Variants in MGMT observed in about 807,000 individuals in gnomAD.
MGMT encodes O-6-methylguanine-DNA methyltransferase.
Under a neutral mutation model 15.9 loss-of-function variants are expected in MGMT, and 14 were observed. The observed-to-expected ratio is 0.88, with a 90% CI of 0.58 to 1.37. The LOEUF (loss-of-function observed/expected upper bound fraction) is 1.37. MGMT is among the 40% of genes most tolerant of loss of function. The pLI is 0.00. For missense variants in MGMT, 282 were observed against 268.1 expected (o/e 1.05, Z -0.36); for synonymous variants, 130 against 118.2 (o/e 1.10, Z -0.65).
intron 2 of MGMT, among the ~76,000 whole-genome samples, chr10:129,562,860 C>T (rs1846296263): frequency 1.3e-5 from 2 of 152,176 alleles, no homozygotes; most frequent in South Asian, 2.1e-4. Context: ...TCAGTTATTT[C>T]GTCTTCAGCG....
intron 2 of MGMT, among the ~76,000 whole-genome samples, chr10:129,627,192 C>T (rs1304135387): frequency 6.6e-6 from 1 of 152,118 alleles, no homozygotes; most frequent in Non-Finnish European, 1.5e-5. Context: ...GATGGGTGTG[C>T]TGGGGGATGA....
intron 3 of MGMT, among the ~76,000 whole-genome samples, chr10:129,713,987 G>T (rs528356090): frequency 1.3e-5 from 2 of 152,212 alleles, no homozygotes; most frequent in Non-Finnish European, 2.9e-5. Flanking sequence ...TTGAATACCT[G>T]CATCACCTCC....
chr10:129,759,177 C>T lies in MGMT; in HGVS notation c.275-25C>T, dbSNP rs919780991. 3.1e-6 allele frequency: 5 copies of T among 1,613,834 alleles called. No homozygotes were observed. The African/African-American group carries it at 6.7e-5, about 22-fold the overall frequency. On this transcript the variant is annotated intron_variant, in intron 3 of 4. Coordinates refer to ENST00000651593, the MANE Select transcript of MGMT (RefSeq NM_002412.5). ...CTGCTGAAGCCGTTTGTCCAAATAA[C>T]ATTATCCTGCATTCTTCCTTTCAGA...
At chr10:129,680,299 AT>A (rs1182908935) in intron 2 of MGMT, among the ~76,000 whole-genome samples, 2 of 152,146 alleles carry the variant, frequency 1.3e-5, no homozygotes, top group Non-Finnish European at 1.5e-5. Context: ...CTGAGTTCAG[AT>A]TTTATTTCGC....
At chr10:129,686,155 CAG>C (rs1847902172) in intron 2 of MGMT, among the ~76,000 whole-genome samples, 1 of 151,746 alleles carries the variant, frequency 6.6e-6, no homozygotes, top group African/African-American at 2.4e-5. Context: ...GCAGCAGAAA[CAG>C]AAACTGGAGG....
intron 3 of MGMT, among the ~76,000 whole-genome samples, chr10:129,731,146 G>T (rs903680644): frequency 6.6e-6 from 1 of 152,066 alleles, no homozygotes; most frequent in African/African-American, 2.4e-5. Flanking sequence ...GTGTTCTGGC[G>T]TGCCCAGGAC....
At chr10:129,515,541 A>G (rs573486644) in intron 1 of MGMT, among the ~76,000 whole-genome samples, 5 of 152,268 alleles carry the variant, frequency 3.3e-5, no homozygotes, top group Admixed American at 1.3e-4. Context: ...CTTTAGTGGA[A>G]GCTCCAGTCC....
chr10:129,581,575 A>G (rs887329922), intron 2 of MGMT, among the ~76,000 whole-genome samples: 5 of 152,218 alleles, frequency 3.3e-5, no homozygotes, highest in African/African-American at 1.2e-4. Context: ...GTCAGTCACT[A>G]TCTTCTGCAA....
intron 1 of MGMT, among the ~76,000 whole-genome samples, chr10:129,523,239 A>G (rs899462684): frequency 6.6e-6 from 1 of 152,244 alleles, no homozygotes; most frequent in African/African-American, 2.4e-5. Context: ...GACCCGGGCC[A>G]GAGCCCTGTG....
At chr10:129,525,806 C>A (rs57453045) in intron 1 of MGMT, among the ~76,000 whole-genome samples, 1 of 151,922 alleles carries the variant, frequency 6.6e-6, no homozygotes. Context: ...TCTCCCCCTT[C>A]GTGTTTGCAT....
At chr10:129,757,634 C>CT (rs980585883) in intron 3 of MGMT, among the ~76,000 whole-genome samples, 6 of 152,104 alleles carry the variant, frequency 3.9e-5, no homozygotes, top group East Asian at 3.9e-4. Flanking sequence ...CTTTGCTTTG[C>CT]TTTTTTTTAA....
At chr10:129,749,421 C>A (rs1021138500) in intron 3 of MGMT, among the ~76,000 whole-genome samples, 7 of 152,154 alleles carry the variant, frequency 4.6e-5, no homozygotes, top group East Asian at 1.9e-4. Context: ...CTTTGCTTAG[C>A]AATATACATT....
intron 2 of MGMT, among the ~76,000 whole-genome samples, chr10:129,540,127 A>G (rs2119767122): frequency 6.6e-6 from 1 of 152,338 alleles, no homozygotes; most frequent in South Asian, 2.1e-4. Context: ...GGCAGACTCC[A>G]TTTCTAAATA....
chr10:129,536,409 G>T lies in MGMT; in HGVS notation c.125+32G>T, dbSNP rs771069496. On this transcript the variant is annotated intron_variant, in intron 2 of 4. Transcript: ENST00000651593. ...ATGAGCCCACGTGATCCTGTATACC[G>T]CACATGCTGAAGCAACCGAGGAGTA... is the stretch of plus-strand genomic sequence containing the variant. The T allele has an allele frequency of 1.6e-5, 25 of 1,595,188 alleles. No homozygotes were observed. In the East Asian group the frequency reaches 4.3e-4, roughly 27 times the overall value.
At chr10:129,548,084 T>A (rs748095490) in intron 2 of MGMT, among the ~76,000 whole-genome samples, 8 of 152,244 alleles carry the variant, frequency 5.3e-5, no homozygotes, top group Non-Finnish European at 8.8e-5. Context: ...ATAAACTGTA[T>A]TCAATTTGCT....
chr10:129,508,942 A>G (rs1339370156), intron 1 of MGMT, among the ~76,000 whole-genome samples: 1 of 152,064 alleles, frequency 6.6e-6, no homozygotes, highest in African/African-American at 2.4e-5. Context: ...TGTCATGAAC[A>G]AGGTTTGTGG....
At chr10:129,614,294 C>A (rs475250) in intron 2 of MGMT, among the ~76,000 whole-genome samples, 6 of 152,122 alleles carry the variant, frequency 3.9e-5, no homozygotes, top group South Asian at 2.1e-4. Flanking sequence ...CTTTAAAAGC[C>A]TATTTTCTTA....
At chr10:129,477,321 G>A (rs925657240) in intron 1 of MGMT, among the ~76,000 whole-genome samples, 1 of 152,172 alleles carries the variant, frequency 6.6e-6, no homozygotes, top group Non-Finnish European at 1.5e-5. Context: ...ATGGTGGGAT[G>A]CTAGATTGGA....
chr10:129,483,462 T>C (rs1304374777), intron 1 of MGMT, among the ~76,000 whole-genome samples: 1 of 152,172 alleles, frequency 6.6e-6, no homozygotes, highest in Admixed American at 6.5e-5. Flanking sequence ...GTGTCTGAAT[T>C]GTCATGCATT....
Sources: allele counts gnomAD v4.1 joint callset (sites outside exome capture counted in the v4.1 genomes callset), GRCh38; gene constraint gnomAD v4.1.1; transcripts MANE v1.5; gene names NCBI Gene and HGNC (gene_info 2026-07-23, HGNC 2026-07-21).